ASXL1: variants seen among roughly 807,000 people sequenced by gnomAD.
ASXL1 encodes the protein polycomb group protein ASXL1.
ASXL1 carries 65 observed loss-of-function variants against 89.1 expected under a neutral mutation model. The observed-to-expected ratio is 0.73, with a 90% CI of 0.60 to 0.90. The LOEUF is 0.90. Ranked by LOEUF, ASXL1 falls within the 40% of genes least tolerant of loss-of-function variation. The pLI, the probability that ASXL1 is intolerant of heterozygous loss-of-function variation, is 0.00. For synonymous variants in ASXL1, 739 were observed against 746.9 expected (o/e 0.99, Z 0.17); for missense variants, 1,786 against 1,942.9 (o/e 0.92, Z 1.52).
rs936354206 is a variant in ASXL1, at chr20:32,420,776, TAC to T, written c.253-7350_253-7349del. ...GTTCAGAATAAAGAATCCCTACAAC[TAC>T]AGTTTTTAAAAGACAACTCAAAAAA... On this transcript the variant is annotated intron_variant, in intron 4 of 12. Transcript: ENST00000375687. Among the ~76,000 whole-genome samples, 11 of 151,998 alleles carry T rather than the reference TAC, an allele frequency of 7.2e-5. 1 individual carries two copies. Among genetic ancestry groups the T allele is most frequent in the Middle Eastern group, 6.8e-3 (2 of 294 alleles).
At position 32,366,381 on chromosome 20, in the gene ASXL1, C is replaced by T. The variant is rs2122809694; in HGVS notation, c.58-3C>T. ...TGAAATTAGGACGTTTATATTTCTT[C>T]AGGTATTAGAAAACTACTCGGATGC... On this transcript the variant is annotated splice_polypyrimidine_tract_variant and splice_region_variant and intron_variant, in intron 1 of 12. Transcript: ENST00000375687. The T allele has an allele frequency of 3.7e-6, 6 of 1,606,790 alleles. No homozygotes were observed. The highest frequency in any genetic ancestry group is 5.1e-6 in the Non-Finnish European group (6 of 1,173,388).
At chr20:32,377,527 G>A (rs1435456466) in intron 4 of ASXL1, among the ~76,000 whole-genome samples, 1 of 152,012 alleles carries the variant, frequency 6.6e-6, no homozygotes, top group African/African-American at 2.4e-5. Context: ...TTTTGGATTT[G>A]AGAATTTTTA....
At chr20:32,421,046 C>T (rs2123161931) in intron 4 of ASXL1, among the ~76,000 whole-genome samples, 1 of 136,606 alleles carries the variant, frequency 7.3e-6, no homozygotes, top group Non-Finnish European at 1.5e-5. Flanking sequence ...GGGAGGGAAA[C>T]ATCACACACC....
At chr20:32,409,904 A>T (rs1330533204) in intron 4 of ASXL1, among the ~76,000 whole-genome samples, 5 of 152,186 alleles carry the variant, frequency 3.3e-5, no homozygotes, top group African/African-American at 1.2e-4. Context: ...GTTCTCACAA[A>T]CATTGTCTTT....
chr20:32,438,346 A>G lies in ASXL1; in HGVS notation c.*1008A>G, dbSNP rs759273467. The stretch of plus-strand genomic sequence containing the variant: ...CTGTAAATGGATGTATTGTACAGAG[A>G]ACATGAACGTCTCTTCCTAATTTTA... On this transcript the variant is annotated 3_prime_UTR_variant, in exon 13 of 13. Coordinates refer to ENST00000375687, the MANE Select transcript of ASXL1 (RefSeq NM_015338.6). The G allele has an allele frequency of 3.4e-5, 8 of 233,522 alleles. No individual in the cohort carries two copies. Among genetic ancestry groups the G allele is most frequent in the Non-Finnish European group, 5.1e-5 (6 of 118,004 alleles). The allele number at this position is 233,522 out of a possible 1,614,324, so 14.5% of individuals were successfully genotyped here. A position where few individuals can be genotyped will look rare whatever the true frequency, so the allele number is the denominator to read the frequency against.
chr20:32,426,836 G>A (rs1406536063), intron 4 of ASXL1, among the ~76,000 whole-genome samples: 1 of 152,012 alleles, frequency 6.6e-6, no homozygotes, highest in Non-Finnish European at 1.5e-5. Flanking sequence ...GGGATTACAG[G>A]TGTGAGTGAG....
At chr20:32,371,144 GCTTTGTAA>G (rs1158260365) in intron 4 of ASXL1, among the ~76,000 whole-genome samples, 2 of 151,888 alleles carry the variant, frequency 1.3e-5, no homozygotes, top group Non-Finnish European at 2.9e-5. Context: ...CAAAAACTTA[GCTTTGTAA>G]CCTGGGAGGG....
At chr20:32,366,588 TG>T in intron 2 of ASXL1, 122 bp downstream of exon 2, 1 of 1,565,824 alleles carries the variant, frequency 6.4e-7, no homozygotes, top group Admixed American at 1.8e-5. Context: ...GGTAGTGAGA[TG>T]GAACTATCCA....
intron 4 of ASXL1, among the ~76,000 whole-genome samples, chr20:32,397,250 CTTTTTTTTTTTTTTTT>C (rs71187116): frequency 1.1e-3 from 8 of 6,982 alleles, no homozygotes; most frequent in East Asian, 6.7e-3. Context: ...CCATGCCTGG[CTTTTTTTTTTTTTTTT>C]TTTTTTTTTT....
intron 4 of ASXL1, among the ~76,000 whole-genome samples, chr20:32,399,666 C>T (rs528212740): frequency 6.8e-6 from 1 of 147,670 alleles, no homozygotes; most frequent in South Asian, 2.2e-4. Context: ...TATTTCTGTG[C>T]CTTTGAATTT....
Position 32,433,549 on chromosome 20 carries a change from G to C in ASXL1, c.1351G>C (p.Asp451His), listed in dbSNP as rs2011602102. The C allele has an allele frequency of 6.2e-7, 1 of 1,614,192 alleles. No homozygotes were observed. The highest frequency in any genetic ancestry group is 8.5e-7 in the Non-Finnish European group (1 of 1,180,034). The part of the protein sequence containing the change: ...SVASDVPLYK[D>H]GEAKTDPAGL... ...GGCCTCAGATGTTCCCCTCTACAAG[G>C]ATGGGGAGGCTAAGACTGACCCAGC... The change falls in exon 12 of 13, where the codon GAT (aspartate) becomes CAT (histidine). Residue 451 changes from aspartate (D) to histidine (H), a missense_variant. Physicochemically the swap from Asp to His is moderately conservative, Grantham distance 81. This residue lies in a region of ASXL1 where 1,418 missense variants were observed against 1,427.8 expected (regional missense o/e 0.99). Transcript: ENST00000375687.
In ASXL1 at chr20:32,435,124, A is replaced by AC; in HGVS notation, c.2415dup (p.Thr806HisfsTer16). ...GGGAAAGTGATGATGAGGAGCAAGGACCCACCGTTCCTGCAGACAATGGTC... is the reference window on the plus strand; with the variant it reads ...GGGAAAGTGATGATGAGGAGCAAGGACCCCACCGTTCCTGCAGACAATGGTC... On this transcript the variant is annotated frameshift_variant, in exon 13 of 13. Coordinates refer to ENST00000375687, the MANE Select transcript of ASXL1 (RefSeq NM_015338.6). LOFTEE classifies it low-confidence loss of function (END_TRUNC). 6.2e-7 allele frequency: 1 copy of AC among 1,613,912 alleles called. No homozygotes were observed.
intron 4 of ASXL1, among the ~76,000 whole-genome samples, chr20:32,407,075 C>T (rs1226949002): frequency 6.6e-6 from 1 of 152,186 alleles, no homozygotes; most frequent in Non-Finnish European, 1.5e-5. Context: ...GGCTTGGTGG[C>T]TCACGCATGT....
At chr20:32,407,597 G>T (rs912249017) in intron 4 of ASXL1, among the ~76,000 whole-genome samples, 17 of 151,956 alleles carry the variant, frequency 1.1e-4, no homozygotes, top group Non-Finnish European at 2.1e-4. Flanking sequence ...TTGAGTAGCT[G>T]GGACTACAGA....
Position 32,366,401 on chromosome 20 carries a change from G to A in ASXL1, c.75G>A (p.Ser25=), listed in dbSNP as rs373459650. ...TTCTTCAGGTATTAGAAAACTACTC[G>A]GATGCTCCAATGACACCAAAACAGA... ...EAARLVLENY[S]DAPMTPKQIL... The change falls in exon 2 of 13, where the codon TCG becomes TCA. Residue 25 remains serine (S), a synonymous_variant. Transcript: ENST00000375687. The A allele has an allele frequency of 7.4e-6, 12 of 1,613,270 alleles. No individual in the cohort carries two copies. In the African/African-American group the frequency reaches 1.1e-4, roughly 14 times the overall value.
In ASXL1 at chr20:32,366,322, T is replaced by C. The variant is rs2048203468; in HGVS notation, c.58-62T>C. 1.1e-5 allele frequency: 15 copies of C among 1,411,420 alleles called. No individual in the cohort carries two copies. In the South Asian group the frequency reaches 1.6e-4, roughly 15 times the overall value. The allele number at this position is 1,411,420 out of a possible 1,614,324, so 87.4% of individuals were successfully genotyped here. On this transcript the variant is annotated intron_variant, in intron 1 of 12. Coordinates refer to ENST00000375687, the MANE Select transcript of ASXL1 (RefSeq NM_015338.6). ...CATAGCATAACTTTAGCCCATGATA[T>C]ATGGATGGATGGATATAAATGGAAA...
At position 32,429,216 on chromosome 20, in the gene ASXL1, A is replaced by C; in HGVS notation, c.472-122A>C. The C allele has an allele frequency of 1.1e-6, 1 of 936,998 alleles. No individual in the cohort carries two copies. The highest frequency in any genetic ancestry group is 1.7e-6 in the Non-Finnish European group (1 of 589,768). The allele number at this position is 936,998 out of a possible 1,614,324, so 58.0% of individuals were successfully genotyped here. ...CCAGTGCTCTTGTCAGCATTATTTG[A>C]CAGATCTGGTTGAAGACGAACTTCA... On this transcript the variant is annotated intron_variant, in intron 6 of 12. Coordinates refer to ENST00000375687, the MANE Select transcript of ASXL1 (RefSeq NM_015338.6). This position sits in a 1 kb window ranked among gnomAD's most constrained non-coding sequence, Gnocchi z 4.9.
intron 4 of ASXL1, among the ~76,000 whole-genome samples, chr20:32,372,882 C>T (rs1418960227): frequency 5.9e-5 from 9 of 151,288 alleles, no homozygotes; most frequent in East Asian, 2.0e-4. Flanking sequence ...TGTGAGCCAC[C>T]GCGCCCAGCC....
chr20:32,429,594 G>C lies in ASXL1; in HGVS notation c.565+163G>C. The stretch of plus-strand genomic sequence containing the variant: ...AGGCCTGCCATAGGTTCTAGTGCTG[G>C]GCTCTGCTGTGTGCCTTCCTCTTTG... On this transcript the variant is annotated intron_variant, in intron 7 of 12. Coordinates refer to ENST00000375687, the MANE Select transcript of ASXL1 (RefSeq NM_015338.6). This position sits in a 1 kb window ranked among gnomAD's most constrained non-coding sequence, Gnocchi z 4.9. The C allele has an allele frequency of 1.2e-6, 1 of 812,458 alleles. No individual in the cohort carries two copies. Among genetic ancestry groups the C allele is most frequent in the South Asian group, 1.5e-5 (1 of 65,736 alleles). The allele number at this position is 812,458 out of a possible 1,614,324, so 50.3% of individuals were successfully genotyped here.
Sources: gnomAD v4.1 joint callset for allele counts (sites outside exome capture counted in the v4.1 genomes callset) on GRCh38, gnomAD v4.1.1 for gene constraint, gnomAD v4.1.1 regional missense constraint, Gnocchi (gnomAD v3.1) non-coding constraint, MANE v1.5 for transcripts, NCBI Gene and HGNC (gene_info 2026-07-23, HGNC 2026-07-21) for gene names.